Variants in SEC31A observed in about 807,000 individuals in gnomAD.
SEC31A encodes protein transport protein Sec31A.
SEC31A carries 70 observed loss-of-function variants against 151.0 expected under a neutral mutation model. The ratio of observed to expected loss-of-function variants is 0.46; its 90% CI spans 0.38 to 0.57. The LOEUF is 0.57. SEC31A is among the 20% of genes least tolerant of loss of function. SEC31A has a pLI of 0.00. For synonymous variants in SEC31A, 475 were observed against 505.9 expected, an observed-to-expected ratio of 0.94 and a Z score of 0.82; for missense variants, 1,330 against 1,471.2, an observed-to-expected ratio of 0.90 and a Z score of 1.57.
chr4:82,895,900 G>T (rs1279712866), upstream of SEC31A: 1 of 152,178 alleles, frequency 6.6e-6, no homozygotes, highest in Non-Finnish European at 1.5e-5. Flanking sequence ...GATGTGAACA[G>T]CAGTGGAAAA....
At chr4:82,897,952 G>A (rs1237325262) in intron 3 of SEC31A, 1 of 152,044 alleles carries the variant, frequency 6.6e-6, no homozygotes, top group Non-Finnish European at 1.5e-5. Flanking sequence ...ATAGTTCCAG[G>A]AATACTTAAT....
chr4:82,842,014 C>G (rs2149238961), intron 22 of SEC31A, 126 bp downstream of exon 22: 2 of 771,650 alleles, frequency 2.6e-6, no homozygotes, highest in East Asian at 5.8e-5. Flanking sequence ...AAAACAAACC[C>G]AAACCTCAGT....
Position 82,866,810 on chromosome 4 carries a change from A to G in SEC31A, c.1195T>C (p.Ser399Pro). The G allele has an allele frequency of 6.3e-7, 1 of 1,597,168 alleles. No individual in the cohort carries two copies. Among genetic ancestry groups the G allele is most frequent in the Non-Finnish European group, 8.5e-7 (1 of 1,175,560 alleles). The part of the protein sequence containing the change: ...WIRRPVGASF[S>P]FGGKLVTFEN... ...CCATAAAAACAAAATCCACCTACTG[A>G]AAAAGAAGCACCAACAGGCCTTCGA... The change falls in exon 10 of 27, where the codon TCA becomes CCA. Residue 399 changes from serine to proline, a missense_variant and splice_region_variant. Physicochemically the swap from Ser to Pro is moderately conservative, Grantham distance 74. Transcript: ENST00000395310.
intron 11 of SEC31A, among the ~76,000 whole-genome samples, chr4:82,864,102 G>A (rs1011277772): frequency 2.0e-5 from 3 of 151,082 alleles, no homozygotes; most frequent in Admixed American, 6.6e-5. Flanking sequence ...TGACTATGTC[G>A]CTCTCCTCTA....
chr4:82,821,324 A>C, intron 25 of SEC31A: 1 of 465,368 alleles, frequency 2.1e-6, no homozygotes, highest in Non-Finnish European at 3.9e-6. Flanking sequence ...CAAGGCAGGC[A>C]AATCATGAGG....
In SEC31A at chr4:82,851,474, C is replaced by T. The variant is rs752072808; in HGVS notation, c.2285G>A (p.Ser762Asn). 6.2e-7 allele frequency: 1 copy of T among 1,613,754 alleles called. No individual in the cohort carries two copies. The highest frequency in any genetic ancestry group is 1.3e-5 in the African/African-American group (1 of 74,920). Reference protein sequence around the residue: ...QYANLLAAQGSIAAALAFLPD... With the variant: ...QYANLLAAQGNIAAALAFLPD... Reference sequence around the variant, plus strand: ...AAGAAAAGCCAAGGCTGCAGCAATACTGCCCTGAGCTGCCAACAAATTGGC... The same window carrying T: ...AAGAAAAGCCAAGGCTGCAGCAATATTGCCCTGAGCTGCCAACAAATTGGC... Residue 762 changes from serine (S) to asparagine (N), a missense_variant, in exon 19 of 27, where the codon AGT becomes AAT. Ser to Asn is a conservative substitution (Grantham distance 46). Coordinates refer to ENST00000395310, the MANE Select transcript of SEC31A (RefSeq NM_001077207.4).
At chr4:82,869,678 C>T (rs541468381) in intron 8 of SEC31A, among the ~76,000 whole-genome samples, 5 of 152,150 alleles carry the variant, frequency 3.3e-5, no homozygotes, top group African/African-American at 1.2e-4. Context: ...CTTGTCTCCC[C>T]TAATGTTAAT....
chr4:82,829,616 G>A (rs530511937), intron 22 of SEC31A, among the ~76,000 whole-genome samples: 36 of 152,036 alleles, frequency 2.4e-4, no homozygotes, highest in Middle Eastern at 3.4e-3. Flanking sequence ...TCTTTGCCTC[G>A]GGAATTATAA....
At chr4:82,839,686 T>C (rs1215860071) in intron 22 of SEC31A, among the ~76,000 whole-genome samples, 2 of 152,232 alleles carry the variant, frequency 1.3e-5, no homozygotes, top group African/African-American at 2.4e-5. Flanking sequence ...CAGACTACTA[T>C]AAGATACAGT....
chr4:82,863,687 C>T lies in SEC31A; in HGVS notation c.1435-295G>A, dbSNP rs373973963. On this transcript the variant is annotated intron_variant, in intron 11 of 26. Transcript: ENST00000395310. ...TGGTTGAATAAAGCTTACTTTTGAACAGTAATTTCTGTAAATACAAACTTA... is the reference window on the plus strand; with the variant it reads ...TGGTTGAATAAAGCTTACTTTTGAATAGTAATTTCTGTAAATACAAACTTA... 1.5e-4 allele frequency among the ~76,000 whole-genome samples: 23 copies of T among 152,116 alleles called. No homozygotes were observed. The East Asian group carries it at 3.5e-3, about 23-fold the overall frequency.
intron 8 of SEC31A, among the ~76,000 whole-genome samples, chr4:82,869,734 A>C (rs533354147): frequency 6.6e-6 from 1 of 152,316 alleles, no homozygotes; most frequent in East Asian, 1.9e-4. Context: ...GAAACCAAAT[A>C]ACTAAAGGGC....
At chr4:82,830,927 A>G in intron 22 of SEC31A, 1 of 1,194,124 alleles carries the variant, frequency 8.4e-7, no homozygotes, top group Non-Finnish European at 1.1e-6. Flanking sequence ...ATATTTTACA[A>G]CCAATTCACC....
chr4:82,895,171 A>T (rs1020468642), upstream of SEC31A: 2 of 152,240 alleles, frequency 1.3e-5, no homozygotes, highest in African/African-American at 4.8e-5. Context: ...AAAAGATTAT[A>T]TCATTATTTC....
intron 5 of SEC31A, 97 bp downstream of exon 5, chr4:82,875,630 T>C (rs1737745385): frequency 4.4e-6 from 3 of 679,746 alleles, no homozygotes; most frequent in Non-Finnish European, 7.8e-6. Context: ...TAAACATATA[T>C]GTTTTGTGTG....
intron 22 of SEC31A, among the ~76,000 whole-genome samples, chr4:82,841,443 TATATATATA>T: frequency 1.2e-4 from 1 of 8,474 alleles, no homozygotes; most frequent in Non-Finnish European, 5.1e-4. Context: ...AAAAAAATTT[TATATATATA>T]TATATATATA....
intron 22 of SEC31A, among the ~76,000 whole-genome samples, chr4:82,829,615 C>T (rs1024373936): frequency 2.6e-5 from 4 of 151,982 alleles, no homozygotes; most frequent in Middle Eastern, 6.8e-3. Context: ...ATCTTTGCCT[C>T]GGGAATTATA....
At chr4:82,839,339 C>T (rs904792579) in intron 22 of SEC31A, among the ~76,000 whole-genome samples, 3 of 152,116 alleles carry the variant, frequency 2.0e-5, no homozygotes, top group Non-Finnish European at 4.4e-5. Context: ...TTCGTAGAGA[C>T]GGGGTTTCGC....
chr4:82,845,059 T>A, intron 20 of SEC31A: 1 of 549,512 alleles, frequency 1.8e-6, no homozygotes, highest in African/African-American at 2.0e-5. Flanking sequence ...GCTTCTTGCA[T>A]CCTAAAAGCA....
intron 11 of SEC31A, 50 bp from the exon 12 acceptor site, chr4:82,863,442 C>T (rs567223695): frequency 1.3e-5 from 13 of 1,006,654 alleles, no homozygotes; most frequent in East Asian, 2.7e-5. Flanking sequence ...ATTTAAAGGC[C>T]GAATTTTTAT....
Sources: gnomAD v4.1 joint callset for allele counts (sites outside exome capture counted in the v4.1 genomes callset) on GRCh38, gnomAD v4.1.1 for gene constraint, MANE v1.5 for transcripts, NCBI Gene and HGNC (gene_info 2026-07-23, HGNC 2026-07-21) for gene names.